The following ZBTB40 variants were observed in gnomAD, a reference collection of about 807,000 sequenced individuals.
ZBTB40 encodes the protein zinc finger and BTB domain containing 40.
ZBTB40 carries 60 observed loss-of-function variants against 117.5 expected under a neutral mutation model. That is an observed-to-expected ratio of 0.51 (90% CI 0.41 to 0.63). ZBTB40 has a LOEUF of 0.63. Ranked by LOEUF, ZBTB40 falls within the 30% of genes least tolerant of loss-of-function variation. The pLI is 0.00. For missense variants in ZBTB40, 1,287 were observed against 1,498.5 expected, an observed-to-expected ratio of 0.86 and a Z score of 2.33; for synonymous variants, 525 against 577.1, an observed-to-expected ratio of 0.91 and a Z score of 1.29.
In ZBTB40 at chr1:22,513,574, A is replaced by G. The variant is rs958514918; in HGVS notation, c.2668+444A>G. On this transcript the variant is annotated intron_variant, in intron 12 of 17. Transcript: ENST00000375647. This position sits in a 1 kb window ranked among gnomAD's most constrained non-coding sequence, Gnocchi z 4.9. ...AAATTAGCCAGGCGTGGTGGCGGGC[A>G]CCTGGAGTCTCAGCTACTCGGGAGG... Among the ~76,000 whole-genome samples, 1 of 152,036 alleles carries G rather than the reference A, an allele frequency of 6.6e-6. No homozygotes were observed. The highest frequency in any genetic ancestry group is 1.5e-5 in the Non-Finnish European group (1 of 67,978).
chr1:22,461,752 T>G (rs1357239332), intron 1 of ZBTB40, among the ~76,000 whole-genome samples: 2 of 152,118 alleles, frequency 1.3e-5, no homozygotes, highest in Non-Finnish European at 2.9e-5. Flanking sequence ...AAAGAAGGAT[T>G]TAAGCTGAAA....
intron 1 of ZBTB40, among the ~76,000 whole-genome samples, chr1:22,478,256 T>C (rs1641596790): frequency 6.6e-6 from 1 of 152,146 alleles, no homozygotes; most frequent in South Asian, 2.1e-4. Flanking sequence ...CTTTTTTTTT[T>C]CTTTTTTTTG....
Position 22,526,531 on chromosome 1 carries a change from T to C in ZBTB40, c.*135T>C. 1 of 1,142,392 alleles carries C rather than the reference T, an allele frequency of 8.8e-7. No homozygotes were observed. Among genetic ancestry groups the C allele is most frequent in the Non-Finnish European group, 1.3e-6 (1 of 782,282 alleles). 70.8% of individuals were successfully genotyped at this position (1,142,392 alleles called of 1,614,324 possible). On this transcript the variant is annotated 3_prime_UTR_variant, in exon 18 of 18. Coordinates refer to ENST00000375647, the MANE Select transcript of ZBTB40 (RefSeq NM_014870.4). ...TAGCACCAACCAACACAGTCTCACC[T>C]AGAAAACAGATGGAAGCTTCGTTGT...
intron 13 of ZBTB40, chr1:22,519,658 G>T (rs1639466862): frequency 3.5e-6 from 1 of 289,126 alleles, no homozygotes; most frequent in Non-Finnish European, 6.7e-6. Flanking sequence ...AAAGGAATTA[G>T]TGATGCTCTG....
chr1:22,524,237 C>T lies in ZBTB40; in HGVS notation c.3318C>T (p.Cys1106=). ...CTCCAGGGTCCCAGCCATTCCGGTG[C>T]TTGTACTGTGCTGCTACTTTCCGTT... ...CQHSGSQPFR[C]LYCAATFRFP... Residue 1106 remains cysteine, a synonymous_variant, in exon 17 of 18, where the codon TGC becomes TGT. Transcript: ENST00000375647. The T allele has an allele frequency of 6.2e-7, 1 of 1,614,210 alleles. No homozygotes were observed. The highest frequency in any genetic ancestry group is 8.5e-7 in the Non-Finnish European group (1 of 1,180,042).
chr1:22,492,511 G>C (rs1478743964), intron 3 of ZBTB40, among the ~76,000 whole-genome samples: 1 of 152,232 alleles, frequency 6.6e-6, no homozygotes, highest in African/African-American at 2.4e-5. Flanking sequence ...GGCAGAGTGA[G>C]AGGGCGCTGC....
At chr1:22,495,573 G>A (rs1177074339) in intron 3 of ZBTB40, among the ~76,000 whole-genome samples, 1 of 151,970 alleles carries the variant, frequency 6.6e-6, no homozygotes, top group Non-Finnish European at 1.5e-5. Context: ...GTGCAGTGGT[G>A]CAATCTCAGT....
intron 1 of ZBTB40, among the ~76,000 whole-genome samples, chr1:22,455,702 AG>A (rs1419348571): frequency 6.6e-6 from 1 of 152,188 alleles, no homozygotes; most frequent in Non-Finnish European, 1.5e-5. Context: ...AAGAAGAGCC[AG>A]GGCATACCAG....
intron 13 of ZBTB40, among the ~76,000 whole-genome samples, chr1:22,518,672 G>A (rs571898613): frequency 1.3e-5 from 2 of 152,274 alleles, no homozygotes; most frequent in East Asian, 3.9e-4. Flanking sequence ...AAGCTCCTAT[G>A]TGCCCAGCAT....
Position 22,501,648 on chromosome 1 carries a change from A to C in ZBTB40, c.988A>C (p.Arg330=). 1 of 1,614,124 alleles carries C rather than the reference A, an allele frequency of 6.2e-7. No homozygotes were observed. Among genetic ancestry groups the C allele is most frequent in the Non-Finnish European group, 8.5e-7 (1 of 1,180,014 alleles). Residue 330 remains arginine (R), a synonymous_variant, in exon 4 of 18, where the codon AGG becomes CGG. Transcript: ENST00000375647. ...NPAVKTALLD[R]KPEDVDTVQP... ...TGCAGTAAAAACAGCACTATTAGAC[A>C]GGAAGCCAGAAGATGTAGACACAGT...
At chr1:22,477,229 A>G (rs1053844102) in intron 1 of ZBTB40, among the ~76,000 whole-genome samples, 6 of 152,176 alleles carry the variant, frequency 3.9e-5, no homozygotes, top group African/African-American at 9.7e-5. Context: ...TACTTAAGCT[A>G]TCAAGTCAGA....
At chr1:22,448,652 A>T (rs2124372298), upstream of ZBTB40, among the ~76,000 whole-genome samples, 1 of 152,298 alleles carries the variant, frequency 6.6e-6, no homozygotes, top group Non-Finnish European at 1.5e-5. Context: ...CTCCTGTATA[A>T]AATGGGGGTA....
intron 15 of ZBTB40, among the ~76,000 whole-genome samples, chr1:22,522,135 C>T (rs1392477222): frequency 6.6e-6 from 1 of 152,222 alleles, no homozygotes; most frequent in African/African-American, 2.4e-5. Context: ...CTAAGCACCT[C>T]GTGTATATTT....
At chr1:22,445,198 TG>T (rs1032846739) in intron 1 of ZBTB40, among the ~76,000 whole-genome samples, 2 of 152,174 alleles carry the variant, frequency 1.3e-5, no homozygotes, top group African/African-American at 4.8e-5. Flanking sequence ...CAGCCAATTT[TG>T]GGGGGTTAGA....
chr1:22,497,528 T>C (rs955963181), intron 3 of ZBTB40, among the ~76,000 whole-genome samples: 2 of 152,220 alleles, frequency 1.3e-5, no homozygotes, highest in African/African-American at 4.8e-5. Context: ...TATGCAGCCA[T>C]AGATAGAAGG....
At chr1:22,468,629 C>T (rs1333230371) in intron 1 of ZBTB40, among the ~76,000 whole-genome samples, 2 of 135,456 alleles carry the variant, frequency 1.5e-5, no homozygotes, top group Non-Finnish European at 3.1e-5. Flanking sequence ...GCATGTGCCA[C>T]CATGCCTGGC....
At chr1:22,476,683 CTCTT>C (rs1442296243) in intron 1 of ZBTB40, among the ~76,000 whole-genome samples, 3 of 152,160 alleles carry the variant, frequency 2.0e-5, no homozygotes, top group Admixed American at 1.3e-4. Flanking sequence ...ATTAAGTTTC[CTCTT>C]TCTAAGTATC....
At chr1:22,433,659 AGTCCTAGAACTAAC>A in intron 1 of ZBTB40, among the ~76,000 whole-genome samples, 1 of 144,940 alleles carries the variant, frequency 6.9e-6, no homozygotes, top group African/African-American at 2.5e-5. Context: ...CTACCCCTGT[AGTCCTAGAACTAAC>A]CCTCCACCGA....
chr1:22,498,024 A>C (rs1435787766), intron 3 of ZBTB40, among the ~76,000 whole-genome samples: 1 of 152,194 alleles, frequency 6.6e-6, no homozygotes, highest in Admixed American at 6.5e-5. Context: ...AATTGGGGTA[A>C]ATAAGTCAAC....
Sources: allele counts gnomAD v4.1 joint callset (sites outside exome capture counted in the v4.1 genomes callset), GRCh38; gene constraint gnomAD v4.1.1; non-coding constraint Gnocchi (gnomAD v3.1); transcripts MANE v1.5; gene names NCBI Gene and HGNC (gene_info 2026-07-23, HGNC 2026-07-21).